CREM: variants seen among roughly 807,000 people sequenced by gnomAD.
CREM encodes cAMP-responsive element modulator.
In CREM, 13 loss-of-function variants were observed where a neutral mutation model predicts 37.3. That is an observed-to-expected ratio of 0.35 (90% confidence interval 0.23 to 0.55). The LOEUF is 0.55. Ranked by LOEUF, CREM falls within the 20% of genes least tolerant of loss-of-function variation. The probability of loss-of-function intolerance (pLI) is 0.88; values close to 1 mark genes in which losing one functional copy is unlikely to be tolerated. For missense variants in CREM, 296 were observed against 362.3 expected (o/e 0.82, Z 1.49); for synonymous variants, 124 against 120.2 (o/e 1.03, Z -0.21).
intron 3 of CREM, among the ~76,000 whole-genome samples, chr10:35,160,442 A>G (rs1462989510): frequency 6.6e-6 from 1 of 152,030 alleles, no homozygotes; most frequent in Non-Finnish European, 1.5e-5. Context: ...TCTTTTGCCC[A>G]GGCTGGAGTA....
chr10:35,176,019 G>T (rs958582746), intron 3 of CREM: 14 of 1,533,984 alleles, frequency 9.1e-6, no homozygotes, highest in Non-Finnish European at 1.2e-5. Flanking sequence ...CTTCCTGAAT[G>T]GTTTTGTCTT....
intron 2 of CREM, among the ~76,000 whole-genome samples, chr10:35,139,074 A>G (rs2091058998): frequency 6.6e-6 from 1 of 152,172 alleles, no homozygotes. Flanking sequence ...TTCAAAAGAA[A>G]ATAATCCTGC....
At chr10:35,201,511 C>T in intron 6 of CREM, 1 of 1,551,540 alleles carries the variant, frequency 6.4e-7, no homozygotes, top group Non-Finnish European at 8.7e-7. Flanking sequence ...TGGACTAGAA[C>T]CCAGACTCCA....
At chr10:35,174,355 TTTA>T (rs1225478926) in intron 3 of CREM, among the ~76,000 whole-genome samples, 1 of 152,222 alleles carries the variant, frequency 6.6e-6, no homozygotes, top group Non-Finnish European at 1.5e-5. Context: ...AGGTGCTAGT[TTTA>T]TTAATTCTAT....
intron 6 of CREM, among the ~76,000 whole-genome samples, chr10:35,205,785 A>C (rs2087542877): frequency 6.6e-6 from 1 of 151,952 alleles, no homozygotes; most frequent in South Asian, 2.1e-4. Context: ...ATGGCAAAAC[A>C]CCATCTCTAC....
intron 5 of CREM, among the ~76,000 whole-genome samples, chr10:35,186,092 G>A (rs2094544438): frequency 6.6e-6 from 1 of 152,164 alleles, no homozygotes; most frequent in African/African-American, 2.4e-5. Context: ...TTACATTGAT[G>A]TATAGATGTC....
chr10:35,155,945 C>CT (rs34319028), intron 3 of CREM, among the ~76,000 whole-genome samples: 195 of 139,464 alleles, frequency 1.4e-3, no homozygotes, highest in African/African-American at 3.7e-3. Flanking sequence ...TTCTTTCTTT[C>CT]TTTTTTTTTT....
At chr10:35,175,990 C>A (rs536600001) in intron 3 of CREM, 2 of 1,550,964 alleles carry the variant, frequency 1.3e-6, no homozygotes, top group East Asian at 4.9e-5. Context: ...CAGAAATACA[C>A]ACCGTTCAGG....
intron 6 of CREM, chr10:35,195,897 G>A (rs1385630155): frequency 4.7e-6 from 3 of 642,716 alleles, no homozygotes; most frequent in Non-Finnish European, 2.7e-6. Flanking sequence ...GTTCCTTTCC[G>A]CTTTGTAAAA....
At chr10:35,146,239 C>T (rs912265482) in intron 2 of CREM, among the ~76,000 whole-genome samples, 2 of 152,210 alleles carry the variant, frequency 1.3e-5, no homozygotes, top group Non-Finnish European at 2.9e-5. Flanking sequence ...TAAAAAATAG[C>T]ACAAGACAAC....
chr10:35,185,139 C>G (rs1306956473), intron 5 of CREM, among the ~76,000 whole-genome samples: 1 of 136,998 alleles, frequency 7.3e-6, no homozygotes, highest in African/African-American at 2.7e-5. Flanking sequence ...GAGTTTTGCT[C>G]TTGTCCAGGC....
At chr10:35,201,269 A>G (rs548281207) in intron 6 of CREM, among the ~76,000 whole-genome samples, 9 of 152,354 alleles carry the variant, frequency 5.9e-5, no homozygotes, top group South Asian at 4.1e-4. Flanking sequence ...TATGCGTTTT[A>G]ACTAATATAC....
At chr10:35,127,553 A>G (rs916635226) in intron 1 of CREM, 8 of 152,390 alleles carry the variant, frequency 5.2e-5, no homozygotes, top group African/African-American at 1.9e-4. Context: ...TCGGAAAAGG[A>G]AAAGGAATCC....
rs756103819 is a variant in CREM, at chr10:35,211,646, T to C, written c.*248T>C. ...TGCTTTGTTTGCCCTTTGCTTCTGC[T>C]TTTTTTCAGGGAAGCTGCCAAAGAA... is the stretch of plus-strand genomic sequence containing the variant. On this transcript the variant is annotated 3_prime_UTR_variant, in exon 8 of 8. Transcript: ENST00000685392. The C allele has an allele frequency of 1.0e-5, 16 of 1,606,782 alleles. No individual in the cohort carries two copies. In the East Asian group the frequency reaches 3.6e-4, roughly 36 times the overall value.
chr10:35,154,532 A>G (rs1324975216), intron 3 of CREM: 1 of 153,192 alleles, frequency 6.5e-6, no homozygotes, highest in East Asian at 1.9e-4. Context: ...TGTTCCTGTT[A>G]AAATTTTGAA....
At chr10:35,211,148 C>G in intron 7 of CREM, 106 bp from the exon 8 acceptor site, 1 of 1,240,588 alleles carries the variant, frequency 8.1e-7, no homozygotes, top group South Asian at 1.4e-5. Flanking sequence ...ACAGTCCTTA[C>G]CTAGGATCGA....
In CREM at chr10:35,138,403, T is replaced by C. The variant is rs911132673; in HGVS notation, c.44+524T>C. Among the ~76,000 whole-genome samples the C allele has an allele frequency of 9.8e-5, 15 of 152,344 alleles. No homozygotes were observed. In the East Asian group the frequency reaches 2.9e-3, roughly 29 times the overall value. Reference sequence around the variant, plus strand: ...GTTATTTAAAATAATAGAAACAACTTTAATAACTTCCTTTTCCAATTGGAT... The same window carrying C: ...GTTATTTAAAATAATAGAAACAACTCTAATAACTTCCTTTTCCAATTGGAT... On this transcript the variant is annotated intron_variant, in intron 2 of 7. Coordinates refer to ENST00000685392, the MANE Select transcript of CREM (RefSeq NM_183011.2).
intron 3 of CREM, among the ~76,000 whole-genome samples, chr10:35,166,178 T>C (rs1325400545): frequency 1.3e-5 from 2 of 152,242 alleles, no homozygotes; most frequent in East Asian, 3.8e-4. Flanking sequence ...TATCTCTTTG[T>C]AACAAATATT....
intron 1 of CREM, among the ~76,000 whole-genome samples, chr10:35,133,885 A>C (rs2089926854): frequency 6.6e-6 from 1 of 152,236 alleles, no homozygotes; most frequent in Non-Finnish European, 1.5e-5. Flanking sequence ...GCTATACTGT[A>C]GGCTTCACAG....
Sources: gnomAD v4.1 joint callset for allele counts (sites outside exome capture counted in the v4.1 genomes callset) on GRCh38, gnomAD v4.1.1 for gene constraint, MANE v1.5 for transcripts, NCBI Gene and HGNC (gene_info 2026-07-23, HGNC 2026-07-21) for gene names.